The following GRPEL2 variants were observed in gnomAD, a reference collection of about 807,000 sequenced individuals.
GRPEL2 encodes the protein GrpE like 2, mitochondrial.
GRPEL2 carries 18 observed loss-of-function variants against 25.9 expected under a neutral mutation model. The ratio of observed to expected loss-of-function variants is 0.70; its 90% CI spans 0.48 to 1.03. The LOEUF is 1.03. GRPEL2 is among the 50% of genes least tolerant of loss of function. The pLI is 0.00. For missense variants in GRPEL2, 247 were observed against 276.2 expected, an observed-to-expected ratio of 0.89 and a Z score of 0.75; for synonymous variants, 106 against 107.9, an observed-to-expected ratio of 0.98 and a Z score of 0.11.
intron 2 of GRPEL2, 65 bp downstream of exon 2, chr5:149,348,490 T>C: frequency 2.2e-6 from 3 of 1,344,984 alleles, no homozygotes; most frequent in Non-Finnish European, 3.0e-6. Context: ...ATAAAGTTTT[T>C]TATGTCAATT....
Position 149,352,792 on chromosome 5 carries a change from A to C in GRPEL2, c.*1510A>C, listed in dbSNP as rs1757796100. 1 of 152,194 alleles carries C rather than the reference A, an allele frequency of 6.6e-6. No homozygotes were observed. The highest frequency in any genetic ancestry group is 2.4e-5 in the African/African-American group (1 of 41,444). The allele number at this position is 152,194 out of a possible 1,614,324, so 9.4% of individuals were successfully genotyped here. On this transcript the variant is annotated 3_prime_UTR_variant, in exon 4 of 4. Transcript: ENST00000329271. ...GTCTTTTTAGGACTGGACACAAGGA[A>C]AATAATCTCTAAACTATTGACTAAA...
intron 1 of GRPEL2, 91 bp downstream of exon 1, chr5:149,345,707 A>G (rs1757677359): frequency 1.8e-6 from 2 of 1,099,202 alleles, no homozygotes; most frequent in East Asian, 2.6e-5. Flanking sequence ...GGCGAGAGCT[A>G]TCTGAGCGTA....
chr5:149,348,165 C>A, intron 1 of GRPEL2, 107 bp from the exon 2 acceptor site: 1 of 1,022,734 alleles, frequency 9.8e-7, no homozygotes, highest in Non-Finnish European at 1.4e-6. Context: ...ACTGAAAACA[C>A]TTTCTCCAGA....
At chr5:149,350,893 A>G (rs763332812) in intron 3 of GRPEL2, 25 bp from the exon 4 acceptor site, 2 of 1,607,272 alleles carry the variant, frequency 1.2e-6, no homozygotes, top group East Asian at 2.2e-5. Flanking sequence ...CTCACAAACA[A>G]TAAAAATAAC....
rs761928041 is a variant in GRPEL2, at chr5:149,351,094, G to A, written c.490G>A (p.Glu164Lys). The A allele has an allele frequency of 6.2e-7, 1 of 1,614,200 alleles. No individual in the cohort carries two copies. The highest frequency in any genetic ancestry group is 1.7e-5 in the Admixed American group (1 of 60,022). The change falls in exon 4 of 4, where the codon GAG becomes AAG. Residue 164 changes from glutamate (E) to lysine (K), a missense_variant. By Grantham distance (56) the Glu-to-Lys change is moderately conservative (BLOSUM62 1). Coordinates refer to ENST00000329271, the MANE Select transcript of GRPEL2 (RefSeq NM_152407.4). The part of the protein sequence containing the change: ...LKSVFAKHGL[E>K]KLTPIGDKYD... The stretch of plus-strand genomic sequence containing the variant: ...AAGTGTGTTTGCCAAGCATGGCCTG[G>A]AGAAACTGACACCCATTGGTGACAA...
Position 149,345,529 on chromosome 5 carries a change from A to C in GRPEL2, c.-11A>C, listed in dbSNP as rs1561693722. On this transcript the variant is annotated 5_prime_UTR_variant, in exon 1 of 4. Transcript: ENST00000329271. ...GTGCGCGTGCGCTGCCTCTCAGCCC[A>C]AATTGGAAACATGGCCGTACGGTCG... 1.2e-6 allele frequency: 2 copies of C among 1,609,646 alleles called. No individual in the cohort carries two copies. Among genetic ancestry groups the C allele is most frequent in the Non-Finnish European group, 1.7e-6 (2 of 1,178,230 alleles).
rs764048393 is a variant in GRPEL2 at position 149,351,068 on chromosome 5, A to G, written c.464A>G (p.Lys155Arg). The G allele has an allele frequency of 1.5e-5, 24 of 1,614,118 alleles. No individual in the cohort carries two copies. The Admixed American group carries it at 3.8e-4, about 26-fold the overall frequency. The change falls in exon 4 of 4, where the codon AAA becomes AGA. Residue 155 changes from lysine to arginine, a missense_variant. This residue lies in a region of GRPEL2 where 122 missense variants were observed against 169.2 expected (regional missense o/e 0.72). Coordinates refer to ENST00000329271, the MANE Select transcript of GRPEL2 (RefSeq NM_152407.4). ...TTGTTGCTTTTAGAAGCAAAGCTGA[A>G]AAGTGTGTTTGCCAAGCATGGCCTG... ...RGLLLLEAKL[K>R]SVFAKHGLEK...
At chr5:149,345,957 C>A in intron 1 of GRPEL2, 1 of 333,326 alleles carries the variant, frequency 3.0e-6, no homozygotes, top group Non-Finnish European at 5.6e-6. Flanking sequence ...GTTCTCTCCC[C>A]TCACTCCGTG....
intron 1 of GRPEL2, 63 bp downstream of exon 1, chr5:149,345,679 G>T: frequency 3.6e-6 from 5 of 1,387,636 alleles, no homozygotes. Flanking sequence ...AGCCAGCCGG[G>T]GTGGTTGTGG....
At chr5:149,348,141 C>G in intron 1 of GRPEL2, 131 bp from the exon 2 acceptor site, 2 of 763,004 alleles carry the variant, frequency 2.6e-6, no homozygotes, top group South Asian at 3.9e-5. Context: ...CGTAAGTGTT[C>G]ATTTGTTACT....
At position 149,349,635 on chromosome 5, in the gene GRPEL2, T is replaced by G. The variant is rs1757745038; in HGVS notation, c.232-19T>G. 8 of 1,539,358 alleles carry G rather than the reference T, an allele frequency of 5.2e-6. No individual in the cohort carries two copies. Among genetic ancestry groups the G allele is most frequent in the Non-Finnish European group, 7.1e-6 (8 of 1,132,592 alleles). ...AGTATTTGTTTTCTCATCCTTTTGA[T>G]TTTGCTTTTGATATTCAGGTGAGAT... On this transcript the variant is annotated intron_variant, in intron 2 of 3. Coordinates refer to ENST00000329271, the MANE Select transcript of GRPEL2 (RefSeq NM_152407.4).
Position 149,351,813 on chromosome 5 carries a change from C to G in GRPEL2, c.*531C>G, listed in dbSNP as rs1757780767. On this transcript the variant is annotated 3_prime_UTR_variant, in exon 4 of 4. Transcript: ENST00000329271. ...TTAGCCATCTTTTGTTCTTGTAATC[C>G]CAACTAGATAGGCTTTATGCTCACA... The G allele has an allele frequency of 6.4e-6, 1 of 155,360 alleles. No individual in the cohort carries two copies. 9.6% of individuals were successfully genotyped at this position (155,360 alleles called of 1,614,324 possible). A position where few individuals can be genotyped will look rare whatever the true frequency, so the allele number is the denominator to read the frequency against.
intron 1 of GRPEL2, among the ~76,000 whole-genome samples, chr5:149,346,913 A>G (rs1757699869): frequency 6.6e-6 from 1 of 151,032 alleles, no homozygotes; most frequent in South Asian, 2.1e-4. Context: ...AATTTTTTGT[A>G]TTTTTAGTAG....
chr5:149,350,433 C>T (rs898131059), intron 3 of GRPEL2, among the ~76,000 whole-genome samples: 6 of 152,194 alleles, frequency 3.9e-5, no homozygotes, highest in Admixed American at 6.5e-5. Flanking sequence ...CAAGAATAAA[C>T]CATTCATGAC....
chr5:149,349,004 T>G (rs1472458269), intron 2 of GRPEL2, among the ~76,000 whole-genome samples: 3 of 152,206 alleles, frequency 2.0e-5, no homozygotes, highest in African/African-American at 7.2e-5. Flanking sequence ...ACTTTTTTTT[T>G]TTTTAAATGA....
At chr5:149,345,805 C>G in intron 1 of GRPEL2, 189 bp downstream of exon 1, 2 of 608,130 alleles carry the variant, frequency 3.3e-6, no homozygotes, top group South Asian at 4.0e-5. Context: ...TCAGCCGTGC[C>G]TCTTTCTTAG....
rs763075004 is a variant in GRPEL2 at position 149,345,622 on chromosome 5, C to T, written c.77+6C>T. On this transcript the variant is annotated splice_donor_region_variant and intron_variant, in intron 1 of 3. Transcript: ENST00000329271. ...AGTGCCGCGTGGGAGAGCAAGTAAG[C>T]ATTGCAGGCGGGGAGTCGGGAGCGT... is the stretch of plus-strand genomic sequence containing the variant. 1.2e-6 allele frequency: 2 copies of T among 1,606,364 alleles called. No homozygotes were observed. The highest frequency in any genetic ancestry group is 8.5e-7 in the Non-Finnish European group (1 of 1,176,736).
chr5:149,351,904 G>A lies in GRPEL2; in HGVS notation c.*622G>A, dbSNP rs1757782501. The A allele has an allele frequency of 6.6e-6, 1 of 152,210 alleles. No homozygotes were observed. 9.4% of individuals were successfully genotyped at this position (152,210 alleles called of 1,614,324 possible). A position where few individuals can be genotyped will look rare whatever the true frequency, so the allele number is the denominator to read the frequency against. ...GGGGCTAAAGGTCTAGATGAGACTTGGAAGGCAAGGAGCATCGAAATTTGA... is the reference window on the plus strand; with the variant it reads ...GGGGCTAAAGGTCTAGATGAGACTTAGAAGGCAAGGAGCATCGAAATTTGA... On this transcript the variant is annotated 3_prime_UTR_variant, in exon 4 of 4. Coordinates refer to ENST00000329271, the MANE Select transcript of GRPEL2 (RefSeq NM_152407.4).
At chr5:149,347,656 A>G (rs1464158207) in intron 1 of GRPEL2, among the ~76,000 whole-genome samples, 1 of 152,234 alleles carries the variant, frequency 6.6e-6, no homozygotes, top group Non-Finnish European at 1.5e-5. Flanking sequence ...AACATATAGT[A>G]TTGTATAAGT....
Sources: gnomAD v4.1 joint callset for allele counts (sites outside exome capture counted in the v4.1 genomes callset) on GRCh38, gnomAD v4.1.1 for gene constraint, gnomAD v4.1.1 regional missense constraint, MANE v1.5 for transcripts, NCBI Gene and HGNC (gene_info 2026-07-23, HGNC 2026-07-21) for gene names.